The following GLIS3 variants were observed in gnomAD, a reference collection of about 807,000 sequenced individuals.
GLIS3 encodes zinc finger protein GLIS3.
A neutral mutation model predicts 78.6 loss-of-function variants in GLIS3; 53 were observed. The observed-to-expected ratio is 0.67, with a 90% CI of 0.54 to 0.85. GLIS3 has a LOEUF of 0.85. Among genes scored for constraint, GLIS3 ranks in the 40% least tolerant of loss-of-function variants. The pLI, the probability that GLIS3 is intolerant of heterozygous loss-of-function variation, is 0.00. For missense variants in GLIS3, 1,703 were observed against 1,231.1 expected (o/e 1.38, Z -5.74); for synonymous variants, 684 against 509.9 (o/e 1.34, Z -4.60).
chr9:4,020,906 C>A (rs1453449389), intron 4 of GLIS3, among the ~76,000 whole-genome samples: 1 of 152,166 alleles, frequency 6.6e-6, no homozygotes, highest in East Asian at 1.9e-4. Context: ...CACCACAAAT[C>A]AACTTCCACC....
chr9:4,321,785 C>T (rs1316737883), intron 2 of GLIS3, among the ~76,000 whole-genome samples: 1 of 151,922 alleles, frequency 6.6e-6, no homozygotes, highest in Non-Finnish European at 1.5e-5. Context: ...CTCATCTTAC[C>T]ACAGCCTCCA....
intron 2 of GLIS3, among the ~76,000 whole-genome samples, chr9:4,146,341 A>G (rs1834225341): frequency 1.3e-5 from 2 of 152,252 alleles, no homozygotes; most frequent in South Asian, 4.1e-4. Flanking sequence ...TTCCTAAACA[A>G]TGTGTGGCAT....
At chr9:3,837,587 A>G (rs1818432117) in intron 9 of GLIS3, among the ~76,000 whole-genome samples, 1 of 152,360 alleles carries the variant, frequency 6.6e-6, no homozygotes, top group Non-Finnish European at 1.5e-5. Flanking sequence ...ATTATTCAGC[A>G]CTAAAAAGAA....
At chr9:4,256,868 T>C (rs543068890) in intron 2 of GLIS3, among the ~76,000 whole-genome samples, 1 of 152,230 alleles carries the variant, frequency 6.6e-6, no homozygotes, top group African/African-American at 2.4e-5. Context: ...GGAAAGGAAA[T>C]CACTGTCTTG....
intron 4 of GLIS3, among the ~76,000 whole-genome samples, chr9:4,068,735 A>G (rs1827317562): frequency 6.6e-6 from 1 of 152,152 alleles, no homozygotes; most frequent in African/African-American, 2.4e-5. Context: ...GCCTAGTCAC[A>G]CAGTGAAAAC....
chr9:4,054,189 G>A (rs1825951062), intron 4 of GLIS3: 1 of 311,352 alleles, frequency 3.2e-6, no homozygotes, highest in African/African-American at 2.3e-5. Context: ...TGGTGGCACA[G>A]CAGGAAGCCT....
intron 2 of GLIS3, among the ~76,000 whole-genome samples, chr9:4,206,441 C>A (rs1373331833): frequency 6.6e-6 from 1 of 152,146 alleles, no homozygotes; most frequent in Non-Finnish European, 1.5e-5. Context: ...AACTGAAAGT[C>A]ATGATAATAT....
intron 2 of GLIS3, among the ~76,000 whole-genome samples, chr9:4,240,971 G>GTA (rs1491079099): frequency 7.1e-6 from 1 of 141,592 alleles, no homozygotes; most frequent in African/African-American, 2.6e-5. Context: ...GTGTGTGTGT[G>GTA]TACGTGTGTA....
chr9:4,487,760 T>A, the GLIS3 span, among the ~76,000 whole-genome samples: 1 of 151,902 alleles, frequency 6.6e-6, no homozygotes. Flanking sequence ...CAATTATAGC[T>A]CCCTGCAACC....
At chr9:3,959,391 C>T (rs537980224) in intron 4 of GLIS3, among the ~76,000 whole-genome samples, 2 of 152,300 alleles carry the variant, frequency 1.3e-5, no homozygotes, top group African/African-American at 4.8e-5. Flanking sequence ...GCCCCCTAGT[C>T]TGTGATATTT....
intron 4 of GLIS3, among the ~76,000 whole-genome samples, chr9:3,991,722 A>T (rs372841355): frequency 1.9e-4 from 19 of 99,014 alleles, no homozygotes; most frequent in African/African-American, 7.7e-4. Context: ...ACGGAGTCTC[A>T]CTCTGTCGCC....
intron 4 of GLIS3, among the ~76,000 whole-genome samples, chr9:3,974,675 A>G (rs1016663354): frequency 1.3e-5 from 2 of 152,136 alleles, no homozygotes; most frequent in African/African-American, 4.8e-5. Context: ...AACAGCATTC[A>G]TATTTTTTTT....
At chr9:3,870,794 A>G (rs1029764416) in intron 8 of GLIS3, among the ~76,000 whole-genome samples, 2 of 152,258 alleles carry the variant, frequency 1.3e-5, no homozygotes. Context: ...GCCAAACCAT[A>G]TAATTCCACC....
chr9:4,127,832 T>G (rs1347186567), intron 2 of GLIS3, among the ~76,000 whole-genome samples: 1 of 152,208 alleles, frequency 6.6e-6, no homozygotes, highest in African/African-American at 2.4e-5. Context: ...CATGCCTATT[T>G]CCTTTTCAGA....
chr9:3,943,039 G>A (rs1816049349), intron 4 of GLIS3, among the ~76,000 whole-genome samples: 1 of 152,006 alleles, frequency 6.6e-6, no homozygotes, highest in African/African-American at 2.4e-5. Context: ...AGAAAAAAAG[G>A]ACCAAGAATC....
chr9:3,839,353 A>C (rs1818573496), intron 9 of GLIS3, among the ~76,000 whole-genome samples: 1 of 152,188 alleles, frequency 6.6e-6, no homozygotes, highest in Non-Finnish European at 1.5e-5. Flanking sequence ...CAGCAATCAC[A>C]CAATCTCCTA....
At chr9:4,306,975 G>A (rs1347975998) in intron 4 of GLIS3, among the ~76,000 whole-genome samples, 7 of 152,216 alleles carry the variant, frequency 4.6e-5, no homozygotes, top group Non-Finnish European at 2.9e-5. Flanking sequence ...CCCTGTCACT[G>A]CTTTCTTTTT....
upstream of GLIS3, among the ~76,000 whole-genome samples, chr9:4,301,408 C>T (rs550233147): frequency 6.6e-6 from 1 of 152,318 alleles, no homozygotes; most frequent in African/African-American, 2.4e-5. Context: ...AAGCATGCAG[C>T]AACATCACAA....
intron 2 of GLIS3, among the ~76,000 whole-genome samples, chr9:4,338,772 C>G (rs1175468791): frequency 6.6e-6 from 1 of 152,090 alleles, no homozygotes; most frequent in Non-Finnish European, 1.5e-5. Context: ...AAAAATATAG[C>G]CTCATATTGT....
Sources: allele counts gnomAD v4.1 joint callset (sites outside exome capture counted in the v4.1 genomes callset), GRCh38; gene constraint gnomAD v4.1.1; transcripts MANE v1.5; gene names NCBI Gene and HGNC (gene_info 2026-07-23, HGNC 2026-07-21).